Variants in RAB3C observed in about 807,000 individuals in gnomAD.
RAB3C encodes RAB3C, member RAS oncogene family.
A neutral mutation model predicts 26.4 loss-of-function variants in RAB3C; 17 were observed. The observed-to-expected ratio is 0.64, with a 90% CI of 0.44 to 0.97. RAB3C has a LOEUF of 0.97. Ranked by LOEUF, RAB3C falls within the 50% of genes least tolerant of loss-of-function variation. The probability of loss-of-function intolerance (pLI) is 0.00; values close to 1 mark genes in which losing one functional copy is unlikely to be tolerated. For missense variants in RAB3C, 242 were observed against 281.9 expected (o/e 0.86, Z 1.01); for synonymous variants, 91 against 95.9 (o/e 0.95, Z 0.30).
chr5:58,652,046 G>A (rs1449391872), intron 2 of RAB3C, among the ~76,000 whole-genome samples: 1 of 151,968 alleles, frequency 6.6e-6, no homozygotes, highest in Non-Finnish European at 1.5e-5. Flanking sequence ...TTGAATCCAT[G>A]TTTGCAGAAC....
At chr5:58,616,750 A>C (rs1208924151) in intron 1 of RAB3C, among the ~76,000 whole-genome samples, 1 of 152,172 alleles carries the variant, frequency 6.6e-6, no homozygotes, top group Non-Finnish European at 1.5e-5. Context: ...CCAAGGTCAC[A>C]CAGCCAGTAA....
chr5:58,838,016 T>G (rs538786214), intron 4 of RAB3C, among the ~76,000 whole-genome samples: 1 of 152,332 alleles, frequency 6.6e-6, no homozygotes, highest in East Asian at 1.9e-4. Context: ...CTGACTTTAT[T>G]TATTTAGGTC....
At chr5:58,771,351 A>G (rs1321406082) in intron 3 of RAB3C, among the ~76,000 whole-genome samples, 2 of 152,162 alleles carry the variant, frequency 1.3e-5, no homozygotes, top group African/African-American at 4.8e-5. Flanking sequence ...ATTTAGCTAA[A>G]TACTAGTAAT....
chr5:58,782,590 C>A (rs1397849424), intron 3 of RAB3C, among the ~76,000 whole-genome samples: 3 of 152,040 alleles, frequency 2.0e-5, no homozygotes, highest in African/African-American at 7.2e-5. Flanking sequence ...TAATGAGTTA[C>A]TTTTTTCTAA....
chr5:58,775,435 G>A (rs565682808), intron 3 of RAB3C, among the ~76,000 whole-genome samples: 24 of 152,162 alleles, frequency 1.6e-4, no homozygotes, highest in African/African-American at 5.8e-4. Flanking sequence ...GACAGCCACA[G>A]AGACTTGAAT....
At chr5:58,805,139 C>T (rs145632699) in intron 3 of RAB3C, among the ~76,000 whole-genome samples, 1 of 152,136 alleles carries the variant, frequency 6.6e-6, no homozygotes, top group Non-Finnish European at 1.5e-5. Flanking sequence ...ACTTATTAGG[C>T]ACTGTTAAAT....
chr5:58,587,059 T>G (rs1256723995), intron 1 of RAB3C, among the ~76,000 whole-genome samples: 1 of 152,138 alleles, frequency 6.6e-6, no homozygotes, highest in Non-Finnish European at 1.5e-5. Flanking sequence ...AAATGAGAAA[T>G]TCTTCCTTAC....
chr5:58,622,843 A>G (rs1220858885), intron 2 of RAB3C, among the ~76,000 whole-genome samples: 1 of 152,244 alleles, frequency 6.6e-6, no homozygotes, highest in Non-Finnish European at 1.5e-5. Context: ...CACAAGCAGG[A>G]TTCCAACCTG....
intron 3 of RAB3C, among the ~76,000 whole-genome samples, chr5:58,798,829 T>A (rs1414397789): frequency 1.3e-5 from 2 of 152,204 alleles, no homozygotes; most frequent in East Asian, 1.9e-4. Context: ...TATTGAAATG[T>A]TTAACCTGAA....
intron 2 of RAB3C, among the ~76,000 whole-genome samples, chr5:58,704,574 A>G (rs186603677): frequency 7.9e-4 from 121 of 152,284 alleles, no homozygotes; most frequent in Admixed American, 3.5e-3. Context: ...ACACAAAAGA[A>G]ATGCTATACA....
chr5:58,737,326 C>A (rs1023350818), intron 3 of RAB3C, among the ~76,000 whole-genome samples: 6 of 146,638 alleles, frequency 4.1e-5, no homozygotes, highest in Admixed American at 2.1e-4. Flanking sequence ...CATATTGCAA[C>A]CTTCTGCAGT....
At chr5:58,745,483 C>CTGT (rs1561308026) in intron 3 of RAB3C, among the ~76,000 whole-genome samples, 1 of 150,576 alleles carries the variant, frequency 6.6e-6, no homozygotes, top group African/African-American at 2.4e-5. Flanking sequence ...AGACCACAAG[C>CTGT]TGTTATTCAA....
intron 2 of RAB3C, among the ~76,000 whole-genome samples, chr5:58,628,959 C>T (rs1203378934): frequency 2.4e-5 from 3 of 124,272 alleles, no homozygotes; most frequent in Non-Finnish European, 4.7e-5. Context: ...GAGGTGGAGG[C>T]GAGAGGATTG....
intron 3 of RAB3C, among the ~76,000 whole-genome samples, chr5:58,739,486 C>G (rs1007337738): frequency 1.3e-5 from 2 of 151,938 alleles, no homozygotes; most frequent in African/African-American, 4.8e-5. Context: ...AATTACGAAC[C>G]AACCTCGCCT....
At chr5:58,807,336 C>G (rs918716811) in intron 3 of RAB3C, among the ~76,000 whole-genome samples, 5 of 152,152 alleles carry the variant, frequency 3.3e-5, no homozygotes, top group African/African-American at 1.2e-4. Flanking sequence ...AATGTATCAA[C>G]TTTAGAAAGA....
At chr5:58,720,819 T>C (rs908866693) in intron 2 of RAB3C, among the ~76,000 whole-genome samples, 1 of 151,886 alleles carries the variant, frequency 6.6e-6, no homozygotes, top group Admixed American at 6.6e-5. Flanking sequence ...TTATATTATT[T>C]GAGTTGTATT....
At chr5:58,836,756 A>G (rs76344138) in intron 4 of RAB3C, among the ~76,000 whole-genome samples, 2,805 of 152,202 alleles carry the variant, frequency 0.018, 96 homozygotes, top group African/African-American at 0.064. Flanking sequence ...GTGTATATAC[A>G]CCACATTTTT....
At chr5:58,725,616 A>G (rs1740872039) in intron 2 of RAB3C, among the ~76,000 whole-genome samples, 1 of 151,966 alleles carries the variant, frequency 6.6e-6, no homozygotes, top group Admixed American at 6.6e-5. Context: ...AATAAGATGT[A>G]GTGTTTGATA....
chr5:58,839,796 T>C (rs1389439851), intron 4 of RAB3C, among the ~76,000 whole-genome samples: 1 of 152,212 alleles, frequency 6.6e-6, no homozygotes, highest in Non-Finnish European at 1.5e-5. Flanking sequence ...ACACTTCTTG[T>C]AAGGCCAGTC....
Sources: allele counts gnomAD v4.1 joint callset (sites outside exome capture counted in the v4.1 genomes callset), GRCh38; gene constraint gnomAD v4.1.1; transcripts MANE v1.5; gene names NCBI Gene and HGNC (gene_info 2026-07-23, HGNC 2026-07-21).